Variants in PREX2 observed in about 807,000 individuals in gnomAD.
PREX2 encodes the protein phosphatidylinositol 3,4,5-trisphosphate-dependent Rac exchanger 2 protein.
In PREX2, 107 loss-of-function variants were observed where a neutral mutation model predicts 203.2. The ratio of observed to expected loss-of-function variants is 0.53; its 90% CI spans 0.45 to 0.62. The LOEUF (loss-of-function observed/expected upper bound fraction) is 0.62, where lower values mean the gene tolerates loss of function less well. Ranked by LOEUF, PREX2 falls within the 20% of genes least tolerant of loss-of-function variation. The probability of loss-of-function intolerance (pLI) is 0.00; values close to 1 mark genes in which losing one functional copy is unlikely to be tolerated. For synonymous variants in PREX2, 672 were observed against 663.6 expected (o/e 1.01, Z -0.19); for missense variants, 1,777 against 1,955.9 (o/e 0.91, Z 1.72).
intron 1 of PREX2, among the ~76,000 whole-genome samples, chr8:67,968,228 C>T (rs982270830): frequency 2.1e-4 from 32 of 152,190 alleles, no homozygotes; most frequent in Middle Eastern, 3.4e-3. Flanking sequence ...CATCTGCCAG[C>T]GACTGGGGAG....
rs145094126 is a variant in PREX2, at chr8:68,134,273, C to G, written c.3981C>G (p.Asn1327Lys). 6.2e-6 allele frequency: 10 copies of G among 1,612,916 alleles called. No homozygotes were observed. In the African/African-American group the frequency reaches 1.2e-4, roughly 19 times the overall value. ...LFHFQSLLSPNLTDEQAMLED... is the reference protein window; with the variant it reads ...LFHFQSLLSPKLTDEQAMLED... ...ACTTTCAGTCACTTCTGTCACCAAA[C>G]TTGGTAAGGAAATCACATGACTCCC... Residue 1327 changes from asparagine (N) to lysine (K), a missense_variant, in exon 32 of 40, where the codon AAC (asparagine) becomes AAG (lysine). Transcript: ENST00000288368.
At position 68,083,274 on chromosome 8, in the gene PREX2, C is replaced by T. The variant is rs756823008; in HGVS notation, c.1913C>T (p.Ala638Val). Residue 638 changes from alanine to valine, a missense_variant, in exon 18 of 40, where the codon GCT (alanine) becomes GTT (valine). By Grantham distance (64) the Ala-to-Val change is moderately conservative. Coordinates refer to ENST00000288368, the MANE Select transcript of PREX2 (RefSeq NM_024870.4). ...ATGGAAGTCGGGAAAAAGATTTTTGCTATTAATGGTGACCTAGTTTTTATG... is the reference window on the plus strand; with the variant it reads ...ATGGAAGTCGGGAAAAAGATTTTTGTTATTAATGGTGACCTAGTTTTTATG... ...AGMEVGKKIF[A>V]INGDLVFMRP... 6.2e-7 allele frequency: 1 copy of T among 1,605,326 alleles called. No homozygotes were observed. The highest frequency in any genetic ancestry group is 8.5e-7 in the Non-Finnish European group (1 of 1,174,366).
At chr8:68,105,345 G>T in intron 23 of PREX2, 1 of 1,367,170 alleles carries the variant, frequency 7.3e-7, no homozygotes. Flanking sequence ...GCTCTTAGCA[G>T]AGAGGGCCCC....
intron 1 of PREX2, among the ~76,000 whole-genome samples, chr8:68,008,866 C>G (rs1329685805): frequency 6.6e-6 from 1 of 152,126 alleles, no homozygotes; most frequent in East Asian, 1.9e-4. Flanking sequence ...TGAGCCCTCC[C>G]CAGCTGTGTG....
chr8:68,159,045 T>C (rs1260335426), intron 35 of PREX2, among the ~76,000 whole-genome samples: 1 of 152,124 alleles, frequency 6.6e-6, no homozygotes, highest in African/African-American at 2.4e-5. Flanking sequence ...AAATAAAATT[T>C]GAATGCCAGA....
intron 37 of PREX2, among the ~76,000 whole-genome samples, chr8:68,207,410 A>C (rs1563587880): frequency 6.6e-6 from 1 of 152,184 alleles, no homozygotes; most frequent in South Asian, 2.1e-4. Flanking sequence ...ATAAATAAAT[A>C]AATCTAGTCT....
intron 1 of PREX2, among the ~76,000 whole-genome samples, chr8:68,011,241 G>A (rs1018730316): frequency 6.6e-6 from 1 of 151,798 alleles, no homozygotes; most frequent in Non-Finnish European, 1.5e-5. Flanking sequence ...CTGATCATGG[G>A]AGTACATTTT....
chr8:68,107,979 T>G (rs887299445), intron 23 of PREX2, 130 bp from the exon 24 acceptor site: 2 of 619,670 alleles, frequency 3.2e-6, no homozygotes, highest in East Asian at 2.8e-5. Context: ...AACATATAAT[T>G]TATTTCACTC....
chr8:68,081,952 C>T (rs1191868656), intron 17 of PREX2, among the ~76,000 whole-genome samples: 1 of 152,036 alleles, frequency 6.6e-6, no homozygotes, highest in Non-Finnish European at 1.5e-5. Flanking sequence ...CCACCTCAGC[C>T]TCCCAAAGTT....
chr8:68,230,474 A>G (rs1197202114), intron 39 of PREX2, among the ~76,000 whole-genome samples: 2 of 152,182 alleles, frequency 1.3e-5, no homozygotes, highest in East Asian at 1.9e-4. Context: ...CAGCCAATCA[A>G]TCTCTCAGGA....
At chr8:68,024,670 C>A (rs1418044507) in intron 4 of PREX2, among the ~76,000 whole-genome samples, 2 of 151,692 alleles carry the variant, frequency 1.3e-5, no homozygotes, top group Non-Finnish European at 2.9e-5. Context: ...TTTACATGTG[C>A]CATTTTATTA....
intron 14 of PREX2, among the ~76,000 whole-genome samples, chr8:68,075,143 T>C (rs967992106): frequency 1.8e-4 from 27 of 152,228 alleles, no homozygotes; most frequent in African/African-American, 6.5e-4. Flanking sequence ...TACTGTGCTT[T>C]TTCTAAATGC....
intron 35 of PREX2, among the ~76,000 whole-genome samples, chr8:68,163,686 C>T (rs1410944607): frequency 1.3e-5 from 2 of 152,122 alleles, no homozygotes; most frequent in Non-Finnish European, 2.9e-5. Context: ...TCTAATTTTG[C>T]ACTGAATCCT....
intron 11 of PREX2, among the ~76,000 whole-genome samples, chr8:68,066,307 T>C (rs1415748869): frequency 1.3e-5 from 2 of 152,154 alleles, no homozygotes; most frequent in African/African-American, 4.8e-5. Context: ...CATACTGTTT[T>C]CCAAAATGGC....
In PREX2 at chr8:68,152,220, A is replaced by G. The variant is rs1006486589; in HGVS notation, c.4232-5102A>G. Among the ~76,000 whole-genome samples the G allele has an allele frequency of 7.5e-5, 10 of 134,144 alleles. No homozygotes were observed. The Admixed American group carries it at 7.7e-4, about 10-fold the overall frequency. The allele number at this position is 134,144 out of a possible 152,430, so 88.0% of individuals were successfully genotyped here. On this transcript the variant is annotated intron_variant, in intron 34 of 39. Transcript: ENST00000288368. ...AGGAGAATGGTGTCCCGGGAGGCAGAGCTTGCAGTGAGTCGAGATCACGCC... is the reference window on the plus strand; with the variant it reads ...AGGAGAATGGTGTCCCGGGAGGCAGGGCTTGCAGTGAGTCGAGATCACGCC...
chr8:68,047,467 A>ATT (rs1218410379), intron 8 of PREX2, among the ~76,000 whole-genome samples: 4 of 36,032 alleles, frequency 1.1e-4, no homozygotes, highest in African/African-American at 5.0e-4. Flanking sequence ...AAATGGATGA[A>ATT]TTTATATATA....
intron 25 of PREX2, chr8:68,111,186 C>A: frequency 5.1e-6 from 1 of 194,872 alleles, no homozygotes; most frequent in Non-Finnish European, 1.1e-5. Flanking sequence ...AATCATAGCT[C>A]CTAGGCTTCA....
At chr8:68,080,888 T>A (rs759146558) in intron 17 of PREX2, 50 bp downstream of exon 17, 1 of 1,042,648 alleles carries the variant, frequency 9.6e-7, no homozygotes, top group Non-Finnish European at 1.5e-6. Flanking sequence ...GACATAAAAA[T>A]AGAGAAATTC....
chr8:68,196,538 A>G (rs2129614795), intron 37 of PREX2, among the ~76,000 whole-genome samples: 1 of 151,568 alleles, frequency 6.6e-6, no homozygotes, highest in South Asian at 2.1e-4. Flanking sequence ...TTAAGAAAAT[A>G]TGTGATACTG....
Sources: allele counts gnomAD v4.1 joint callset (sites outside exome capture counted in the v4.1 genomes callset), GRCh38; gene constraint gnomAD v4.1.1; transcripts MANE v1.5; gene names NCBI Gene and HGNC (gene_info 2026-07-23, HGNC 2026-07-21).